The following GPR137B variants were observed in gnomAD, a reference collection of about 807,000 sequenced individuals.
GPR137B encodes the protein integral membrane protein GPR137B.
A neutral mutation model predicts 42.5 loss-of-function variants in GPR137B; 42 were observed. The observed-to-expected ratio is 0.99, with a 90% CI of 0.77 to 1.28. The LOEUF (loss-of-function observed/expected upper bound fraction) is 1.28, where lower values mean the gene tolerates loss of function less well. GPR137B is among the 50% of genes most tolerant of loss of function. The pLI, the probability that GPR137B is intolerant of heterozygous loss-of-function variation, is 0.00. For missense variants in GPR137B, 487 were observed against 493.9 expected (o/e 0.99, Z 0.13); for synonymous variants, 218 against 209.7 (o/e 1.04, Z -0.34).
chr1:236,149,041 T>G (rs1017773997), intron 1 of GPR137B, among the ~76,000 whole-genome samples: 15 of 152,116 alleles, frequency 9.9e-5, no homozygotes, highest in African/African-American at 3.1e-4. Flanking sequence ...CCTCCCTTAG[T>G]TGAGATTCTC....
intron 5 of GPR137B, among the ~76,000 whole-genome samples, chr1:236,190,070 G>T (rs1006112247): frequency 1.3e-5 from 2 of 151,318 alleles, no homozygotes; most frequent in African/African-American, 4.9e-5. Flanking sequence ...TTATGTAATG[G>T]CCTTTTTTTG....
intron 6 of GPR137B, among the ~76,000 whole-genome samples, chr1:236,207,513 G>T (rs1663697730): frequency 6.6e-6 from 1 of 152,154 alleles, no homozygotes; most frequent in African/African-American, 2.4e-5. Context: ...TACCGATATG[G>T]TGAAGACAAG....
At chr1:236,192,997 C>A (rs563830140) in intron 5 of GPR137B, among the ~76,000 whole-genome samples, 1 of 151,960 alleles carries the variant, frequency 6.6e-6, no homozygotes, top group Non-Finnish European at 1.5e-5. Context: ...TGGGTTCAAG[C>A]GATTCCCCTG....
At chr1:236,186,227 TA>T (rs1234208492) in intron 5 of GPR137B, among the ~76,000 whole-genome samples, 13,470 of 43,562 alleles carry the variant, frequency 0.31, 3,006 homozygotes, top group East Asian at 0.61. Context: ...ATATATAATA[TA>T]ATATATAATA....
In GPR137B at chr1:236,208,620, G is replaced by A. The variant is rs933648136; in HGVS notation, c.*462G>A. Reference sequence around the variant, plus strand: ...TCTTTAGGTCACTGATGGTCACTCCGATTCTGAGTGCCACATTGGTAGACT... The same window carrying A: ...TCTTTAGGTCACTGATGGTCACTCCAATTCTGAGTGCCACATTGGTAGACT... On this transcript the variant is annotated 3_prime_UTR_variant, in exon 7 of 7. Coordinates refer to ENST00000366592, the MANE Select transcript of GPR137B (RefSeq NM_003272.4). 5.1e-6 allele frequency: 5 copies of A among 985,474 alleles called. No individual in the cohort carries two copies. Among genetic ancestry groups the A allele is most frequent in the African/African-American group, 1.7e-5 (1 of 57,184 alleles). 61.0% of individuals were successfully genotyped at this position (985,474 alleles called of 1,614,324 possible).
chr1:236,176,090 G>A (rs1662676297), intron 2 of GPR137B, among the ~76,000 whole-genome samples: 1 of 152,184 alleles, frequency 6.6e-6, no homozygotes, highest in African/African-American at 2.4e-5. Context: ...GGATGTGGGA[G>A]GGTGGGGCTG....
At chr1:236,145,112 G>T (rs1661647203) in intron 1 of GPR137B, among the ~76,000 whole-genome samples, 1 of 152,210 alleles carries the variant, frequency 6.6e-6, no homozygotes, top group African/African-American at 2.4e-5. Flanking sequence ...TGGAGAAGGT[G>T]GCATGTCTCC....
At chr1:236,192,752 G>T (rs915161285) in intron 5 of GPR137B, among the ~76,000 whole-genome samples, 1 of 152,092 alleles carries the variant, frequency 6.6e-6, no homozygotes, top group Non-Finnish European at 1.5e-5. Flanking sequence ...TGTCGATCTC[G>T]CTGGGAGCTG....
Position 236,155,715 on chromosome 1 carries a change from G to A in GPR137B, c.414+12679G>A, listed in dbSNP as rs1662004455. Among the ~76,000 whole-genome samples, 1 of 152,196 alleles carries A rather than the reference G, an allele frequency of 6.6e-6. No homozygotes were observed. Among genetic ancestry groups the A allele is most frequent in the African/African-American group, 2.4e-5 (1 of 41,470 alleles). On this transcript the variant is annotated intron_variant, in intron 1 of 6. Transcript: ENST00000366592. The surrounding 1 kb of genome is among the most constrained non-coding windows in gnomAD (Gnocchi z 4.6). ...TCTCGTGAGCCGATGGAGGGGTGGA[G>A]GAGGGGAGAGGTGCTTGCTGCCCGG...
intron 5 of GPR137B, among the ~76,000 whole-genome samples, chr1:236,203,035 G>A (rs1473226029): frequency 6.6e-6 from 1 of 151,876 alleles, no homozygotes; most frequent in Non-Finnish European, 1.5e-5. Flanking sequence ...TGTTTCTGGG[G>A]TCTCTATTCT....
At chr1:236,192,656 TC>T (rs1663226908) in intron 5 of GPR137B, among the ~76,000 whole-genome samples, 1 of 151,956 alleles carries the variant, frequency 6.6e-6, no homozygotes, top group Admixed American at 6.6e-5. Flanking sequence ...CGGCTCACCC[TC>T]CGTGAGCTGC....
intron 1 of GPR137B, among the ~76,000 whole-genome samples, chr1:236,152,212 A>G (rs1372116844): frequency 6.6e-6 from 1 of 152,044 alleles, no homozygotes; most frequent in African/African-American, 2.4e-5. Flanking sequence ...CTGTAATCCC[A>G]ACACTTTGGG....
chr1:236,147,939 T>G (rs1337379731), intron 1 of GPR137B, among the ~76,000 whole-genome samples: 1 of 152,226 alleles, frequency 6.6e-6, no homozygotes, highest in East Asian at 1.9e-4. Context: ...CTGTATGCAG[T>G]GTCTGTCTGG....
chr1:236,199,327 A>G (rs1663429831), intron 5 of GPR137B, among the ~76,000 whole-genome samples: 1 of 152,142 alleles, frequency 6.6e-6, no homozygotes, highest in Non-Finnish European at 1.5e-5. Context: ...GGATTTTTAC[A>G]TCTATGTTCA....
intron 5 of GPR137B, among the ~76,000 whole-genome samples, chr1:236,202,294 T>C (rs1226734398): frequency 6.6e-6 from 1 of 152,098 alleles, no homozygotes; most frequent in African/African-American, 2.4e-5. Flanking sequence ...TTGGAGGCAG[T>C]AGAATTAGCT....
At position 236,150,864 on chromosome 1, in the gene GPR137B, C is replaced by G. The variant is rs374692595; in HGVS notation, c.414+7828C>G. 1.3e-5 allele frequency among the ~76,000 whole-genome samples: 2 copies of G among 152,192 alleles called. No individual in the cohort carries two copies. Among genetic ancestry groups the G allele is most frequent in the African/African-American group, 4.8e-5 (2 of 41,440 alleles). On this transcript the variant is annotated intron_variant, in intron 1 of 6. Transcript: ENST00000366592. This position sits in a 1 kb window ranked among gnomAD's most constrained non-coding sequence, Gnocchi z 6.2. ...TTCCAGGGCCCAGCCATGGCTGTCC[C>G]GCTGCTGCTGTGCCCACCCTCTGAG...
At chr1:236,177,905 A>G (rs868486196) in intron 2 of GPR137B, among the ~76,000 whole-genome samples, 23 of 152,054 alleles carry the variant, frequency 1.5e-4, no homozygotes, top group Non-Finnish European at 8.8e-5. Flanking sequence ...ACTCCACATC[A>G]ATAATGACTT....
At chr1:236,173,893 TG>T (rs1373051543) in intron 2 of GPR137B, among the ~76,000 whole-genome samples, 1 of 151,942 alleles carries the variant, frequency 6.6e-6, no homozygotes, top group African/African-American at 2.4e-5. Flanking sequence ...TTTTGCAAGA[TG>T]GTTTTGCATT....
chr1:236,178,676 G>A (rs774914690), intron 3 of GPR137B, 40 bp downstream of exon 3: 2 of 1,246,982 alleles, frequency 1.6e-6, no homozygotes, highest in Non-Finnish European at 2.3e-6. Flanking sequence ...CATGAAACGT[G>A]TTCTAAAAAG....
Sources: allele counts gnomAD v4.1 joint callset (sites outside exome capture counted in the v4.1 genomes callset), GRCh38; gene constraint gnomAD v4.1.1; non-coding constraint Gnocchi (gnomAD v3.1); transcripts MANE v1.5; gene names NCBI Gene and HGNC (gene_info 2026-07-23, HGNC 2026-07-21).